The following SDK1 variants were observed in gnomAD, a reference collection of about 807,000 sequenced individuals.
SDK1 encodes protein sidekick-1.
A neutral mutation model predicts 245.5 loss-of-function variants in SDK1; 157 were observed. The ratio of observed to expected loss-of-function variants is 0.64; its 90% CI spans 0.56 to 0.73. The LOEUF is 0.73. SDK1 is among the 30% of genes least tolerant of loss of function. The probability of loss-of-function intolerance (pLI) is 0.00; values close to 1 mark genes in which losing one functional copy is unlikely to be tolerated. For synonymous variants in SDK1, 1,647 were observed against 1,278.5 expected, an observed-to-expected ratio of 1.29 and a Z score of -6.15; for missense variants, 3,583 against 3,002.3, an observed-to-expected ratio of 1.19 and a Z score of -4.52.
intron 5 of SDK1, among the ~76,000 whole-genome samples, chr7:3,947,989 C>T (rs1342505501): frequency 1.3e-5 from 2 of 152,008 alleles, no homozygotes; most frequent in East Asian, 1.9e-4. Flanking sequence ...AATTTATGTG[C>T]ACATATGAAT....
chr7:4,110,892 A>G (rs1035878565), intron 23 of SDK1, 120 bp downstream of exon 23: 4 of 704,152 alleles, frequency 5.7e-6, no homozygotes, highest in East Asian at 2.7e-5. Flanking sequence ...CCTAGTGGCA[A>G]TAACAGTACC....
chr7:3,841,304 T>A (rs1780151311), intron 5 of SDK1, among the ~76,000 whole-genome samples: 2 of 152,172 alleles, frequency 1.3e-5, no homozygotes, highest in African/African-American at 2.4e-5. Flanking sequence ...CATTGTTTGA[T>A]CCAGCAGAAC....
intron 4 of SDK1, among the ~76,000 whole-genome samples, chr7:3,819,292 G>T (rs1249156627): frequency 6.6e-6 from 1 of 151,206 alleles, no homozygotes; most frequent in African/African-American, 2.4e-5. Context: ...AAAAGAAAAA[G>T]ATAAGCTTAA....
chr7:4,015,223 C>A (rs189950294), intron 16 of SDK1, among the ~76,000 whole-genome samples: 1 of 152,158 alleles, frequency 6.6e-6, no homozygotes, highest in East Asian at 1.9e-4. Flanking sequence ...TTTCCCAACA[C>A]CACCCAGCTT....
intron 20 of SDK1, among the ~76,000 whole-genome samples, chr7:4,071,478 T>G (rs1780252600): frequency 1.3e-5 from 2 of 152,178 alleles, no homozygotes; most frequent in African/African-American, 4.8e-5. Flanking sequence ...CATTCTGAAG[T>G]CATCTGAGAA....
At chr7:3,680,164 T>C (rs561982655) in intron 4 of SDK1, among the ~76,000 whole-genome samples, 1 of 152,164 alleles carries the variant, frequency 6.6e-6, no homozygotes, top group East Asian at 1.9e-4. Flanking sequence ...AGGGGCATCA[T>C]GCTTAGGGAA....
intron 44 of SDK1, among the ~76,000 whole-genome samples, chr7:4,260,600 A>G (rs1269936801): frequency 8.0e-6 from 1 of 125,748 alleles, no homozygotes; most frequent in South Asian, 2.7e-4. Context: ...GTGTGTGGGA[A>G]GATGTGTTCA....
intron 8 of SDK1, among the ~76,000 whole-genome samples, chr7:3,959,241 C>T (rs1781490886): frequency 6.6e-6 from 1 of 152,082 alleles, no homozygotes; most frequent in East Asian, 1.9e-4. Context: ...ATTTACCCAG[C>T]AGAGCAAAAA....
chr7:3,686,876 T>TC (rs1328891000), intron 4 of SDK1, among the ~76,000 whole-genome samples: 1 of 152,110 alleles, frequency 6.6e-6, no homozygotes, highest in Non-Finnish European at 1.5e-5. Flanking sequence ...ACTGGGGCAG[T>TC]CCCTTGTTGT....
rs6975801 is a variant in SDK1 at position 3,791,049 on chromosome 7, G to A, written c.714-30401G>A. 6.6e-3 allele frequency among the ~76,000 whole-genome samples: 1,007 copies of A among 152,062 alleles called. 12 individuals are homozygous for A. Among genetic ancestry groups the A allele is most frequent in the African/African-American group, 0.024 (988 of 41,464 alleles). On this transcript the variant is annotated intron_variant, in intron 4 of 44. Transcript: ENST00000404826. ...TTCAGTATCCTCATCGGTAAATTGG[G>A]TCTAACAGCAGTGCCTAGTTCCTGG...
intron 44 of SDK1, among the ~76,000 whole-genome samples, chr7:4,250,056 C>G (rs937474655): frequency 6.6e-6 from 1 of 152,196 alleles, no homozygotes; most frequent in African/African-American, 2.4e-5. Context: ...CATACACCTG[C>G]AGCCAACCCC....
intron 1 of SDK1, among the ~76,000 whole-genome samples, chr7:3,571,336 A>G (rs1780108114): frequency 6.6e-6 from 1 of 151,952 alleles, no homozygotes; most frequent in Non-Finnish European, 1.5e-5. Flanking sequence ...GGGATCTTAC[A>G]TTGTCACGCA....
intron 1 of SDK1, among the ~76,000 whole-genome samples, chr7:3,452,407 C>G (rs1780542346): frequency 6.6e-6 from 1 of 152,142 alleles, no homozygotes; most frequent in African/African-American, 2.4e-5. Flanking sequence ...AACAGATATA[C>G]TAATTTGCTT....
In SDK1 at chr7:3,547,004, C is replaced by G. The variant is rs76846852; in HGVS notation, c.299-72076C>G. ...AGGGAGGGGAGGAAAATCTGAAAAT[C>G]TCAAGGAATTTTTAATCTTAAGATT... On this transcript the variant is annotated intron_variant, in intron 1 of 44. Coordinates refer to ENST00000404826, the MANE Select transcript of SDK1 (RefSeq NM_152744.4). 6.5e-3 allele frequency among the ~76,000 whole-genome samples: 996 copies of G among 152,182 alleles called. 12 individuals carry two copies. Among genetic ancestry groups the G allele is most frequent in the African/African-American group, 0.023 (940 of 41,530 alleles).
At chr7:3,306,824 G>A (rs1779428651) in intron 1 of SDK1, among the ~76,000 whole-genome samples, 2 of 152,140 alleles carry the variant, frequency 1.3e-5, no homozygotes, top group African/African-American at 2.4e-5. Flanking sequence ...CTGCCTGCCT[G>A]CCTTACGGTG....
chr7:3,886,951 C>G (rs980597154), intron 5 of SDK1, among the ~76,000 whole-genome samples: 1 of 152,200 alleles, frequency 6.6e-6, no homozygotes, highest in African/African-American at 2.4e-5. Context: ...AGCCTCCTTG[C>G]ATCCATGAAA....
chr7:4,171,207 C>T (rs933322865), intron 32 of SDK1, among the ~76,000 whole-genome samples: 2 of 152,210 alleles, frequency 1.3e-5, no homozygotes, highest in African/African-American at 4.8e-5. Context: ...AGGGACCCTG[C>T]CGTGCCTTGC....
At chr7:3,803,440 A>T (rs1007861438) in intron 4 of SDK1, among the ~76,000 whole-genome samples, 1 of 151,436 alleles carries the variant, frequency 6.6e-6, no homozygotes, top group Admixed American at 6.6e-5. Flanking sequence ...CCTCCTGAGT[A>T]GCTGGAACTA....
At chr7:3,653,234 A>T (rs185430107) in intron 4 of SDK1, among the ~76,000 whole-genome samples, 1 of 152,284 alleles carries the variant, frequency 6.6e-6, no homozygotes, top group East Asian at 1.9e-4. Context: ...GCCTCTCTGA[A>T]GTCATCCTGT....
Sources: allele counts gnomAD v4.1 joint callset (sites outside exome capture counted in the v4.1 genomes callset), GRCh38; gene constraint gnomAD v4.1.1; transcripts MANE v1.5; gene names NCBI Gene and HGNC (gene_info 2026-07-23, HGNC 2026-07-21).